LPXN: variants seen among roughly 807,000 people sequenced by gnomAD.
LPXN encodes leupaxin.
A neutral mutation model predicts 45.6 loss-of-function variants in LPXN; 28 were observed. The observed-to-expected ratio is 0.61, with a 90% CI of 0.45 to 0.84. The LOEUF (loss-of-function observed/expected upper bound fraction) is 0.84. Among genes scored for constraint, LPXN ranks in the 40% least tolerant of loss-of-function variants. The pLI is 0.00. For synonymous variants in LPXN, 166 were observed against 169.9 expected (o/e 0.98, Z 0.18); for missense variants, 459 against 475.0 (o/e 0.97, Z 0.31).
intron 7 of LPXN, among the ~76,000 whole-genome samples, chr11:58,531,454 A>G (rs1444666463): frequency 6.6e-6 from 1 of 151,978 alleles, no homozygotes; most frequent in Admixed American, 6.6e-5. Context: ...AAGAAAGGAT[A>G]TAAGAGATTG....
At chr11:58,551,007 T>A in intron 5 of LPXN, 58 bp downstream of exon 5, 5 of 1,439,988 alleles carry the variant, frequency 3.5e-6, no homozygotes, top group Non-Finnish European at 4.6e-6. Context: ...AGAGCAAACC[T>A]TGATGAGACA....
At chr11:58,532,283 C>T (rs1034525336) in intron 7 of LPXN, among the ~76,000 whole-genome samples, 29 of 152,226 alleles carry the variant, frequency 1.9e-4, no homozygotes, top group Admixed American at 1.2e-3. Flanking sequence ...CCCCCTGCTC[C>T]GAGGCGCCCA....
At chr11:58,573,201 G>A (rs529722811) in intron 1 of LPXN, among the ~76,000 whole-genome samples, 41 of 149,404 alleles carry the variant, frequency 2.7e-4, no homozygotes, top group Admixed American at 2.5e-3. Context: ...AGCCGAGACC[G>A]TGCCATTGCA....
intron 2 of LPXN, among the ~76,000 whole-genome samples, chr11:58,565,330 G>A (rs1371687428): frequency 2.6e-5 from 4 of 151,950 alleles, no homozygotes; most frequent in African/African-American, 7.3e-5. Context: ...TCAGGAGATC[G>A]AGATCATCAC....
chr11:58,543,655 GGCCTAACTTCAAA>G (rs747994677), intron 7 of LPXN, among the ~76,000 whole-genome samples: 84 of 152,152 alleles, frequency 5.5e-4, no homozygotes, highest in Non-Finnish European at 9.6e-4. Flanking sequence ...TTGAAATCTA[GGCCTAACTTCAAA>G]GCCTAACTTC....
chr11:58,545,477 C>T (rs1853850449), intron 7 of LPXN, among the ~76,000 whole-genome samples: 1 of 152,126 alleles, frequency 6.6e-6, no homozygotes, highest in Non-Finnish European at 1.5e-5. Flanking sequence ...TTTATTGTGA[C>T]ACAATTTAAG....
intron 7 of LPXN, among the ~76,000 whole-genome samples, chr11:58,549,348 C>A (rs947992016): frequency 3.3e-5 from 5 of 151,932 alleles, no homozygotes; most frequent in Non-Finnish European, 7.4e-5. Context: ...GGGCGGAGAT[C>A]GCACCAGAGA....
In LPXN at chr11:58,552,482, C is replaced by T. The variant is rs887607817; in HGVS notation, c.319-1250G>A. Among the ~76,000 whole-genome samples the T allele has an allele frequency of 4.6e-5, 7 of 152,190 alleles. No homozygotes were observed. In the East Asian group the frequency reaches 1.3e-3, roughly 29 times the overall value. On this transcript the variant is annotated intron_variant, in intron 4 of 8. Transcript: ENST00000395074. ...GCCACCACATCAAGTCTTCACTCAT[C>T]AGACAGACATTCAAAGCCTCCCATC...
At chr11:58,539,189 A>G (rs917520816) in intron 7 of LPXN, among the ~76,000 whole-genome samples, 1 of 152,192 alleles carries the variant, frequency 6.6e-6, no homozygotes, top group Non-Finnish European at 1.5e-5. Context: ...ACACATCTGT[A>G]GTGCCAGCTA....
chr11:58,529,553 T>G (rs1176164021), intron 7 of LPXN, among the ~76,000 whole-genome samples: 1 of 145,438 alleles, frequency 6.9e-6, no homozygotes, highest in Non-Finnish European at 1.5e-5. Flanking sequence ...GAGCTTGCAG[T>G]GAGCCGAGAT....
chr11:58,564,988 G>A lies in LPXN; in HGVS notation c.172-787C>T, dbSNP rs11229525. Among the ~76,000 whole-genome samples, 1,445 of 152,292 alleles carry A rather than the reference G, an allele frequency of 9.5e-3. 31 individuals carry two copies. Among genetic ancestry groups the A allele is most frequent in the African/African-American group, 0.033 (1,381 of 41,562 alleles). ...TCTGTGGAACCACGAGAAGGAGAGT[G>A]TGGCCTGAGCAGAGTGAACCAAGGA... is the stretch of plus-strand genomic sequence containing the variant. On this transcript the variant is annotated intron_variant, in intron 2 of 8. Coordinates refer to ENST00000395074, the MANE Select transcript of LPXN (RefSeq NM_004811.3).
chr11:58,560,947 A>G (rs1854355250), intron 3 of LPXN, among the ~76,000 whole-genome samples: 1 of 152,204 alleles, frequency 6.6e-6, no homozygotes, highest in African/African-American at 2.4e-5. Context: ...AATACTGCCA[A>G]ACAAATATTT....
intron 1 of LPXN, among the ~76,000 whole-genome samples, chr11:58,574,665 A>C (rs1250666628): frequency 1.3e-5 from 2 of 152,186 alleles, no homozygotes; most frequent in African/African-American, 4.8e-5. Context: ...TAGGATAAGA[A>C]ATAGAATTCT....
intron 4 of LPXN, among the ~76,000 whole-genome samples, chr11:58,552,847 T>C (rs540822877): frequency 6.6e-6 from 1 of 152,288 alleles, no homozygotes; most frequent in African/African-American, 2.4e-5. Flanking sequence ...TATAACTACA[T>C]CTACACCTAC....
At position 58,551,046 on chromosome 11, in the gene LPXN, A is replaced by C. The variant is rs749783445; in HGVS notation, c.486+19T>G. ...AGAGACAAAGAAGGCTGTAGGACCA[A>C]AATTTCAGCCCATCTCACCTTCCCA... On this transcript the variant is annotated intron_variant, in intron 5 of 8. Coordinates refer to ENST00000395074, the MANE Select transcript of LPXN (RefSeq NM_004811.3). The C allele has an allele frequency of 5.9e-6, 9 of 1,537,340 alleles. No individual in the cohort carries two copies. The highest frequency in any genetic ancestry group is 7.9e-6 in the Non-Finnish European group (9 of 1,143,370).
chr11:58,536,781 A>G (rs1853566228), intron 7 of LPXN, among the ~76,000 whole-genome samples: 2 of 152,216 alleles, frequency 1.3e-5, no homozygotes, highest in South Asian at 4.1e-4. Flanking sequence ...GCTAATATCT[A>G]GAATCTACAA....
At chr11:58,576,486 T>C (rs759763896), upstream of LPXN, among the ~76,000 whole-genome samples, 10 of 152,218 alleles carry the variant, frequency 6.6e-5, no homozygotes, top group African/African-American at 9.6e-5. Flanking sequence ...AATCCCTGCC[T>C]AGATACACTG....
Position 58,570,382 on chromosome 11 carries a change from T to G in LPXN, c.171+174A>C, listed in dbSNP as rs796335668. On this transcript the variant is annotated intron_variant, in intron 2 of 8. Transcript: ENST00000395074. ...AAAAACTCATTCCTCTGTGATGATT[T>G]TCTCAATTCTCTTCCTCTTTCCAAA... Among the ~76,000 whole-genome samples, 10 of 152,186 alleles carry G rather than the reference T, an allele frequency of 6.6e-5. No individual in the cohort carries two copies. In the South Asian group the frequency reaches 2.1e-3, roughly 32 times the overall value.
chr11:58,542,929 C>A (rs1487735508), intron 7 of LPXN, among the ~76,000 whole-genome samples: 1 of 152,116 alleles, frequency 6.6e-6, no homozygotes, highest in Non-Finnish European at 1.5e-5. Flanking sequence ...ATTGTCTTTA[C>A]ACTTACAACA....
Sources: allele counts gnomAD v4.1 joint callset (sites outside exome capture counted in the v4.1 genomes callset), GRCh38; gene constraint gnomAD v4.1.1; transcripts MANE v1.5; gene names NCBI Gene and HGNC (gene_info 2026-07-23, HGNC 2026-07-21).